Variants in SOCS7 observed in about 807,000 individuals in gnomAD.
SOCS7 encodes the protein NAP-4.
A neutral mutation model predicts 58.9 loss-of-function variants in SOCS7; 18 were observed. The ratio of observed to expected loss-of-function variants is 0.31; its 90% CI spans 0.21 to 0.45. SOCS7 has a LOEUF of 0.45. Ranked by LOEUF, SOCS7 falls within the 20% of genes least tolerant of loss-of-function variation. The pLI is 1.00. For synonymous variants in SOCS7, 388 were observed against 364.3 expected (o/e 1.06, Z -0.74); for missense variants, 667 against 837.3 (o/e 0.80, Z 2.51).
Position 38,364,809 on chromosome 17 carries a change from A to G in SOCS7, c.1103A>G (p.His368Arg), listed in dbSNP as rs765538526. 1 of 1,613,360 alleles carries G rather than the reference A, an allele frequency of 6.2e-7. No individual in the cohort carries two copies. Among genetic ancestry groups the G allele is most frequent in the East Asian group, 2.2e-5 (1 of 44,848 alleles). Reference protein sequence around the residue: ...DISQRGLTSPHPPTPPPPPRR... With the variant: ...DISQRGLTSPRPPTPPPPPRR... Reference sequence around the variant, plus strand: ...TCTCAGCGGGGCCTGACCTCTCCACACCCTCCAACTCCCCCTCCTCCTCCG... The same window carrying G: ...TCTCAGCGGGGCCTGACCTCTCCACGCCCTCCAACTCCCCCTCCTCCTCCG... The change falls in exon 3 of 10, where the codon CAC becomes CGC. Residue 368 changes from histidine to arginine, a missense_variant. Coordinates refer to ENST00000612932, the MANE Select transcript of SOCS7 (RefSeq NM_014598.4).
At chr17:38,380,915 G>T (rs1205178393) in intron 7 of SOCS7, among the ~76,000 whole-genome samples, 3 of 152,078 alleles carry the variant, frequency 2.0e-5, no homozygotes, top group Non-Finnish European at 4.4e-5. Context: ...ACTTCATTTT[G>T]CCAGTGAGGA....
intron 6 of SOCS7, among the ~76,000 whole-genome samples, chr17:38,372,648 A>G (rs547675607): frequency 3.7e-4 from 56 of 152,336 alleles, no homozygotes; most frequent in Non-Finnish European, 6.0e-4. Flanking sequence ...GAGTAATACT[A>G]TGGGACCCAC....
chr17:38,360,700 C>T (rs1462391118), intron 1 of SOCS7, among the ~76,000 whole-genome samples: 2 of 152,046 alleles, frequency 1.3e-5, no homozygotes, highest in African/African-American at 2.4e-5. Context: ...CCACCACACC[C>T]GGCTAATTTT....
At position 38,352,680 on chromosome 17, in the gene SOCS7, G is replaced by A. The variant is rs1301869489; in HGVS notation, c.628G>A (p.Gly210Arg). The A allele has an allele frequency of 1.3e-6, 2 of 1,549,930 alleles. No individual in the cohort carries two copies. Among genetic ancestry groups the A allele is most frequent in the Admixed American group, 2.0e-5 (1 of 50,996 alleles). ...ELSSPGRGGG[G>R]GGRLLLQPPG... Reference sequence around the variant, plus strand: ...CAGCAGCCCGGGTCGCGGAGGAGGAGGGGGCGGCCGGCTTCTGCTGCAGCC... The same window carrying A: ...CAGCAGCCCGGGTCGCGGAGGAGGAAGGGGCGGCCGGCTTCTGCTGCAGCC... Residue 210 changes from glycine to arginine, a missense_variant, in exon 1 of 10, where the codon GGG becomes AGG. Physicochemically the swap from Gly to Arg is moderately radical, Grantham distance 125 (BLOSUM62 -2). This residue lies in a region of SOCS7 where 208 missense variants were observed against 190.3 expected (regional missense o/e 1.09). Coordinates refer to ENST00000612932, the MANE Select transcript of SOCS7 (RefSeq NM_014598.4). This position sits in a 1 kb window ranked among gnomAD's most constrained non-coding sequence, Gnocchi z 5.5.
chr17:38,390,569 C>G (rs2038157408), intron 7 of SOCS7, among the ~76,000 whole-genome samples: 1 of 152,110 alleles, frequency 6.6e-6, no homozygotes, highest in Non-Finnish European at 1.5e-5. Context: ...TGGACATAGG[C>G]TGTCTTTCTG....
At chr17:38,378,517 C>T (rs560366597) in intron 7 of SOCS7, among the ~76,000 whole-genome samples, 2 of 151,840 alleles carry the variant, frequency 1.3e-5, no homozygotes, top group East Asian at 3.9e-4. Flanking sequence ...CTGTCTCCCC[C>T]AAAAAAGAAA....
rs752866284 is a variant in SOCS7, at chr17:38,395,427, A to G, written c.1800A>G (p.Pro600=). ...AGCTCGTCAGGATAGATCACATCCC[A>G]GATCTCCCACTGCCTAAGTACAATG... ...IRQLVRIDHI[P]DLPLPKPLIS... is the part of the protein sequence containing the mutation. Residue 600 remains proline, a synonymous_variant, in exon 8 of 10, where the codon CCA becomes CCG. Coordinates refer to ENST00000612932, the MANE Select transcript of SOCS7 (RefSeq NM_014598.4). 6.2e-7 allele frequency: 1 copy of G among 1,614,142 alleles called. No individual in the cohort carries two copies. Among genetic ancestry groups the G allele is most frequent in the South Asian group, 1.1e-5 (1 of 91,088 alleles).
intron 7 of SOCS7, among the ~76,000 whole-genome samples, chr17:38,390,513 G>A (rs1283559158): frequency 6.6e-6 from 1 of 152,082 alleles, no homozygotes; most frequent in East Asian, 1.9e-4. Context: ...ACATCAATTT[G>A]GGGAGGGAAT....
chr17:38,389,900 C>CATAT lies in SOCS7; in HGVS notation c.1682-5408_1682-5407insTATA, dbSNP rs1263290062. ...ATATATATGTACATATATATATATA[C>CATAT]ACATATAGAGAGAGAGAGAGAGAGA... is the stretch of plus-strand genomic sequence containing the variant. On this transcript the variant is annotated intron_variant, in intron 7 of 9. Transcript: ENST00000612932. Among the ~76,000 whole-genome samples the CATAT allele has an allele frequency of 5.8e-3, 117 of 20,196 alleles. 3 individuals carry two copies. The highest frequency in any genetic ancestry group is 0.017 in the African/African-American group (105 of 6,132). 13.2% of individuals were successfully genotyped at this position (20,196 alleles called of 152,430 possible).
At chr17:38,396,037 C>T in intron 9 of SOCS7, 39 bp downstream of exon 9, 2 of 1,509,758 alleles carry the variant, frequency 1.3e-6, no homozygotes, top group Non-Finnish European at 1.8e-6. Context: ...CACATTTCTT[C>T]CTGGGCAGTC....
chr17:38,373,688 C>T (rs2037895998), intron 6 of SOCS7, among the ~76,000 whole-genome samples: 1 of 152,174 alleles, frequency 6.6e-6, no homozygotes, highest in African/African-American at 2.4e-5. Flanking sequence ...GCCTTTAAAG[C>T]TCTTTTGATA....
At chr17:38,378,700 G>A (rs2037962651) in intron 7 of SOCS7, among the ~76,000 whole-genome samples, 1 of 152,184 alleles carries the variant, frequency 6.6e-6, no homozygotes, top group Non-Finnish European at 1.5e-5. Flanking sequence ...CTGGGCAGTT[G>A]CTATCCTTGC....
At position 38,392,617 on chromosome 17, in the gene SOCS7, G is replaced by T. The variant is rs1425875451; in HGVS notation, c.1682-2692G>T. 2.6e-5 allele frequency among the ~76,000 whole-genome samples: 4 copies of T among 152,284 alleles called. No individual in the cohort carries two copies. The East Asian group carries it at 7.7e-4, about 29-fold the overall frequency. On this transcript the variant is annotated intron_variant, in intron 7 of 9. Transcript: ENST00000612932. ...GAGTTCTTTTTCTTTTCTTTTAATGGAGAGGACCAGCCATGTGGGTAGAGG... is the reference window on the plus strand; with the variant it reads ...GAGTTCTTTTTCTTTTCTTTTAATGTAGAGGACCAGCCATGTGGGTAGAGG...
At chr17:38,395,813 A>G in intron 8 of SOCS7, 35 bp from the exon 9 acceptor site, 1 of 1,600,248 alleles carries the variant, frequency 6.2e-7, no homozygotes, top group Non-Finnish European at 8.5e-7. Context: ...TTGTATAAAA[A>G]CCTTTTGTGT....
intron 7 of SOCS7, among the ~76,000 whole-genome samples, chr17:38,391,656 C>A (rs1034168055): frequency 2.0e-5 from 3 of 152,234 alleles, no homozygotes; most frequent in Non-Finnish European, 4.4e-5. Flanking sequence ...CCACCTCAGC[C>A]TCCCAAGGTG....
intron 3 of SOCS7, 120 bp downstream of exon 3, chr17:38,364,976 G>C (rs1413355324): frequency 5.5e-6 from 4 of 724,422 alleles, no homozygotes; most frequent in Admixed American, 2.7e-5. Context: ...TTATTTCCCA[G>C]CTCTTTCTCA....
chr17:38,370,891 C>T (rs2037854722), intron 6 of SOCS7, among the ~76,000 whole-genome samples: 2 of 151,878 alleles, frequency 1.3e-5, no homozygotes, highest in Admixed American at 1.3e-4. Flanking sequence ...CCTTGTGATC[C>T]GCCTGCCTCG....
chr17:38,369,856 C>G (rs2037839125), intron 6 of SOCS7, among the ~76,000 whole-genome samples: 1 of 150,698 alleles, frequency 6.6e-6, no homozygotes, highest in Admixed American at 6.6e-5. Context: ...GTGGTGTGAT[C>G]TTGGCTCACT....
At chr17:38,360,516 T>A (rs587747407) in intron 1 of SOCS7, among the ~76,000 whole-genome samples, 102 of 149,812 alleles carry the variant, frequency 6.8e-4, no homozygotes, top group African/African-American at 2.3e-3. Context: ...TCTTTTTTTT[T>A]ATTTTTTTAT....
Sources: allele counts gnomAD v4.1 joint callset (sites outside exome capture counted in the v4.1 genomes callset), GRCh38; gene constraint gnomAD v4.1.1; regional missense constraint gnomAD v4.1.1; non-coding constraint Gnocchi (gnomAD v3.1); transcripts MANE v1.5; gene names NCBI Gene and HGNC (gene_info 2026-07-23, HGNC 2026-07-21).